The following SPAG6 variants were observed in gnomAD, a reference collection of about 807,000 sequenced individuals.
SPAG6 encodes the protein sperm-associated antigen 6.
Under a neutral mutation model 58.5 loss-of-function variants are expected in SPAG6, and 49 were observed. The observed-to-expected ratio is 0.84, with a 90% CI of 0.67 to 1.06. The LOEUF is 1.06. Ranked by LOEUF, SPAG6 falls within the 50% of genes least tolerant of loss-of-function variation. The pLI, the probability that SPAG6 is intolerant of heterozygous loss-of-function variation, is 0.00. For synonymous variants in SPAG6, 233 were observed against 225.6 expected, an observed-to-expected ratio of 1.03 and a Z score of -0.29; for missense variants, 560 against 611.3, an observed-to-expected ratio of 0.92 and a Z score of 0.89.
At chr10:22,374,502 A>G (rs1833773140) in intron 4 of SPAG6, among the ~76,000 whole-genome samples, 1 of 151,682 alleles carries the variant, frequency 6.6e-6, no homozygotes, top group African/African-American at 2.4e-5. Flanking sequence ...GCAGAGTGGC[A>G]CGTGCCTGTA....
intron 5 of SPAG6, among the ~76,000 whole-genome samples, chr10:22,387,207 A>C (rs1473197322): frequency 1.3e-5 from 2 of 152,210 alleles, no homozygotes; most frequent in Non-Finnish European, 2.9e-5. Context: ...TAATTAAAAT[A>C]CAGAATCACA....
intron 2 of SPAG6, among the ~76,000 whole-genome samples, chr10:22,346,439 CTT>C (rs1836536499): frequency 7.9e-6 from 1 of 126,094 alleles, no homozygotes; most frequent in Non-Finnish European, 1.6e-5. Flanking sequence ...GGTTCTTCTT[CTT>C]CTTCTTCTTC....
In SPAG6 at chr10:22,416,867, A is replaced by T. The variant is rs1252891339; in HGVS notation, c.*179A>T. The stretch of plus-strand genomic sequence containing the variant: ...CATTCGTAGCTTGAATATGTGAGGA[A>T]CTATTCATGGTCATTCGCATGCATA... On this transcript the variant is annotated 3_prime_UTR_variant, in exon 11 of 11. Coordinates refer to ENST00000376624, the MANE Select transcript of SPAG6 (RefSeq NM_012443.4). 2.1e-6 allele frequency: 1 copy of T among 482,326 alleles called. No individual in the cohort carries two copies. Among genetic ancestry groups the T allele is most frequent in the Non-Finnish European group, 3.8e-6 (1 of 266,146 alleles). 29.9% of individuals were successfully genotyped at this position (482,326 alleles called of 1,614,324 possible).
At chr10:22,412,100 A>C (rs1374094590) in intron 10 of SPAG6, among the ~76,000 whole-genome samples, 1 of 152,034 alleles carries the variant, frequency 6.6e-6, no homozygotes, top group Admixed American at 6.5e-5. Flanking sequence ...CCGCCCGCCT[A>C]GGCCTCCCAG....
intron 4 of SPAG6, among the ~76,000 whole-genome samples, chr10:22,376,702 A>T (rs1176683754): frequency 6.6e-6 from 1 of 151,940 alleles, no homozygotes; most frequent in Non-Finnish European, 1.5e-5. Context: ...TGGTTTTCAG[A>T]CCCTTGTTTA....
chr10:22,399,111 G>A (rs901656579), intron 8 of SPAG6, among the ~76,000 whole-genome samples: 3 of 152,232 alleles, frequency 2.0e-5, no homozygotes, highest in South Asian at 2.1e-4. Context: ...GAGCCACCGC[G>A]CCTGGCTGAG....
intron 4 of SPAG6, among the ~76,000 whole-genome samples, chr10:22,373,941 A>G (rs1341590379): frequency 6.6e-6 from 1 of 152,224 alleles, no homozygotes. Flanking sequence ...AATGTGCTAA[A>G]CAAAACAACA....
At chr10:22,410,195 A>G (rs186927532) in intron 9 of SPAG6, among the ~76,000 whole-genome samples, 2 of 152,150 alleles carry the variant, frequency 1.3e-5, no homozygotes, top group Non-Finnish European at 1.5e-5. Flanking sequence ...TCCCCTTTCT[A>G]TGCCTACTCT....
chr10:22,400,969 T>C (rs897269280), intron 8 of SPAG6, among the ~76,000 whole-genome samples, 192 bp from the exon 9 acceptor site: 2 of 152,308 alleles, frequency 1.3e-5, no homozygotes, highest in Non-Finnish European at 2.9e-5. Flanking sequence ...CAAAGACAAC[T>C]TGTAGGATAT....
intron 6 of SPAG6, among the ~76,000 whole-genome samples, chr10:22,388,425 A>G (rs765147918): frequency 2.6e-5 from 4 of 152,106 alleles, no homozygotes; most frequent in Admixed American, 1.3e-4. Context: ...CATCCTTACA[A>G]TTTTATGTCA....
At chr10:22,381,134 T>A (rs1267742755) in intron 4 of SPAG6, among the ~76,000 whole-genome samples, 2 of 152,128 alleles carry the variant, frequency 1.3e-5, no homozygotes, top group African/African-American at 4.8e-5. Context: ...GTTCTTCCTC[T>A]GTGACCCCAA....
intron 2 of SPAG6, among the ~76,000 whole-genome samples, chr10:22,352,102 A>G (rs1160381763): frequency 4.6e-5 from 7 of 152,060 alleles, no homozygotes; most frequent in Non-Finnish European, 1.0e-4. Flanking sequence ...CGGAGCTTGC[A>G]GTGACCCGAG....
intron 2 of SPAG6, among the ~76,000 whole-genome samples, chr10:22,354,989 G>A (rs1415697352): frequency 4.8e-5 from 7 of 146,314 alleles, no homozygotes; most frequent in East Asian, 4.0e-4. Context: ...ACGAGACTCC[G>A]TCTCAAAAAA....
At chr10:22,347,264 T>C (rs1401658678) in intron 2 of SPAG6, among the ~76,000 whole-genome samples, 1 of 152,182 alleles carries the variant, frequency 6.6e-6, no homozygotes, top group Admixed American at 6.5e-5. Context: ...ATAGTTGTTT[T>C]ATATGGGTTG....
chr10:22,415,392 AAG>A (rs1395039345), intron 10 of SPAG6, among the ~76,000 whole-genome samples: 1 of 152,144 alleles, frequency 6.6e-6, no homozygotes, highest in East Asian at 1.9e-4. Context: ...TAGGAAGGTA[AAG>A]CCTGCTTTAA....
chr10:22,416,316 G>C (rs1490386754), intron 10 of SPAG6, among the ~76,000 whole-genome samples: 2 of 152,054 alleles, frequency 1.3e-5, no homozygotes, highest in East Asian at 3.8e-4. Flanking sequence ...TGATTAAAAT[G>C]AAGTCTCTGT....
At chr10:22,372,781 G>A (rs1185545943) in intron 4 of SPAG6, among the ~76,000 whole-genome samples, 1 of 151,214 alleles carries the variant, frequency 6.6e-6, no homozygotes, top group Non-Finnish European at 1.5e-5. Flanking sequence ...AAAAAAAAGT[G>A]TTTCTTTGTG....
chr10:22,399,145 T>C (rs185235861), intron 8 of SPAG6, among the ~76,000 whole-genome samples: 1 of 152,340 alleles, frequency 6.6e-6, no homozygotes, highest in East Asian at 1.9e-4. Context: ...AACAACTTTA[T>C]TGAGATATAA....
At chr10:22,356,668 A>T (rs1836877445) in intron 2 of SPAG6, among the ~76,000 whole-genome samples, 1 of 152,264 alleles carries the variant, frequency 6.6e-6, no homozygotes, top group African/African-American at 2.4e-5. Context: ...AAACTTGGAA[A>T]TATCACTGAT....
Sources: allele counts gnomAD v4.1 joint callset (sites outside exome capture counted in the v4.1 genomes callset), GRCh38; gene constraint gnomAD v4.1.1; transcripts MANE v1.5; gene names NCBI Gene and HGNC (gene_info 2026-07-23, HGNC 2026-07-21).